Variants in PRKCZ observed in about 807,000 individuals in gnomAD.
PRKCZ encodes protein kinase C zeta.
PRKCZ carries 33 observed loss-of-function variants against 79.5 expected under a neutral mutation model. That is an observed-to-expected ratio of 0.41 (90% CI 0.31 to 0.55). The LOEUF is 0.55. Among genes scored for constraint, PRKCZ ranks in the 20% least tolerant of loss-of-function variants. The pLI, the probability that PRKCZ is intolerant of heterozygous loss-of-function variation, is 0.19. For missense variants in PRKCZ, 578 were observed against 813.5 expected (o/e 0.71, Z 3.52); for synonymous variants, 342 against 320.9 (o/e 1.07, Z -0.70).
chr1:2,083,353 A>G (rs1425024395), intron 4 of PRKCZ, among the ~76,000 whole-genome samples: 1 of 152,142 alleles, frequency 6.6e-6, no homozygotes, highest in Non-Finnish European at 1.5e-5. Context: ...CATGAAAATT[A>G]CTGTGGTCCT....
intron 5 of PRKCZ, among the ~76,000 whole-genome samples, chr1:2,139,123 G>C (rs1201141831): frequency 6.6e-6 from 1 of 152,168 alleles, no homozygotes; most frequent in Non-Finnish European, 1.5e-5. Context: ...ACTTAGAATT[G>C]AAGAGCTCCT....
At chr1:2,060,463 G>A (rs1660570957) in intron 4 of PRKCZ, among the ~76,000 whole-genome samples, 1 of 109,956 alleles carries the variant, frequency 9.1e-6, no homozygotes, top group Non-Finnish European at 2.1e-5. Context: ...AAGTGGGGCT[G>A]AATAGAGGTT....
intron 4 of PRKCZ, among the ~76,000 whole-genome samples, chr1:2,064,872 C>G (rs1209429683): frequency 6.6e-6 from 1 of 152,188 alleles, no homozygotes; most frequent in Non-Finnish European, 1.5e-5. Context: ...ACAGGCTTTT[C>G]TATTTCTGCA....
intron 16 of PRKCZ, among the ~76,000 whole-genome samples, chr1:2,183,045 G>A (rs1686933582): frequency 6.6e-6 from 1 of 152,138 alleles, no homozygotes; most frequent in African/African-American, 2.4e-5. Flanking sequence ...GGTCAACATG[G>A]TGAAACCCTG....
At chr1:2,055,608 T>C in intron 2 of PRKCZ, 46 bp downstream of exon 2, 1 of 1,587,774 alleles carries the variant, frequency 6.3e-7, no homozygotes, top group Non-Finnish European at 8.6e-7. Flanking sequence ...CTCAGGGGAC[T>C]TCGCCAGGGC....
rs769423874 is a variant in PRKCZ, at chr1:2,172,403, C to T, written c.1285+15C>T. 19 of 1,607,258 alleles carry T rather than the reference C, an allele frequency of 1.2e-5. No individual in the cohort carries two copies. The highest frequency in any genetic ancestry group is 1.5e-5 in the Non-Finnish European group (18 of 1,176,706). ...AGAGGAGTACGGTGAGTGCCGCTGCCCTGGCCCCTCTCGGAGCACACAGGG... is the reference window on the plus strand; with the variant it reads ...AGAGGAGTACGGTGAGTGCCGCTGCTCTGGCCCCTCTCGGAGCACACAGGG... On this transcript the variant is annotated intron_variant, in intron 13 of 17. Coordinates refer to ENST00000378567, the MANE Select transcript of PRKCZ (RefSeq NM_002744.6). This position sits in a 1 kb window ranked among gnomAD's most constrained non-coding sequence, Gnocchi z 7.8.
chr1:2,092,204 C>T (rs923370604), intron 4 of PRKCZ, among the ~76,000 whole-genome samples: 6 of 152,110 alleles, frequency 3.9e-5, no homozygotes, highest in South Asian at 2.1e-4. Context: ...TCACCCCCGC[C>T]GCCCTCCCCC....
At chr1:2,133,340 GT>G (rs2103008217) in intron 4 of PRKCZ, among the ~76,000 whole-genome samples, 1 of 149,124 alleles carries the variant, frequency 6.7e-6, no homozygotes, top group South Asian at 2.1e-4. Context: ...TCCGCCCCCA[GT>G]TGCTCGTCGG....
chr1:2,184,137 T>C (rs1283751107), intron 16 of PRKCZ: 1 of 153,634 alleles, frequency 6.5e-6, no homozygotes, highest in East Asian at 1.9e-4. Context: ...TAGGCAGAAA[T>C]GGGCCGGCAG....
At chr1:2,084,211 G>C (rs949331736) in intron 4 of PRKCZ, among the ~76,000 whole-genome samples, 4 of 152,210 alleles carry the variant, frequency 2.6e-5, no homozygotes, top group Non-Finnish European at 5.9e-5. Flanking sequence ...CTGCACTCCA[G>C]CCTGGGCGAG....
At chr1:2,119,627 T>A (rs1671449337) in intron 4 of PRKCZ, among the ~76,000 whole-genome samples, 1 of 152,224 alleles carries the variant, frequency 6.6e-6, no homozygotes, top group Admixed American at 6.5e-5. Flanking sequence ...AACCAAGTGT[T>A]GTCTTAGACA....
Position 2,149,456 on chromosome 1 carries a change from G to T in PRKCZ, c.687+532G>T, listed in dbSNP as rs1419776188. On this transcript the variant is annotated intron_variant, in intron 8 of 17. Transcript: ENST00000378567. This position sits in a 1 kb window ranked among gnomAD's most constrained non-coding sequence, Gnocchi z 4.1. Reference sequence around the variant, plus strand: ...CCTCTGCTCGTAAAACCCAGGGAAGGACTGCACTAGCGAAGCCCACTCCTT... The same window carrying T: ...CCTCTGCTCGTAAAACCCAGGGAAGTACTGCACTAGCGAAGCCCACTCCTT... Among the ~76,000 whole-genome samples, 2 of 152,304 alleles carry T rather than the reference G, an allele frequency of 1.3e-5. 1 individual carries two copies. Among genetic ancestry groups the T allele is most frequent in the Admixed American group, 1.3e-4 (2 of 15,294 alleles).
intron 4 of PRKCZ, among the ~76,000 whole-genome samples, chr1:2,069,707 C>T (rs185919510): frequency 2.2e-3 from 338 of 152,308 alleles, no homozygotes; most frequent in African/African-American, 7.5e-3. Flanking sequence ...CACCCTGGCT[C>T]CTCCGTGTTG....
At chr1:2,089,159 A>C (rs910254914) in intron 4 of PRKCZ, among the ~76,000 whole-genome samples, 2 of 152,184 alleles carry the variant, frequency 1.3e-5, no homozygotes, top group Non-Finnish European at 2.9e-5. Flanking sequence ...AGCCGGGGTC[A>C]GCTCTGGTTT....
At chr1:2,103,168 T>G (rs1188847331) in intron 4 of PRKCZ, among the ~76,000 whole-genome samples, 12 of 152,136 alleles carry the variant, frequency 7.9e-5, no homozygotes, top group East Asian at 3.9e-4. Context: ...GTGGGGTTTT[T>G]GGGGGGCAAG....
At chr1:2,097,702 AG>A (rs1666761601) in intron 4 of PRKCZ, among the ~76,000 whole-genome samples, 2 of 145,506 alleles carry the variant, frequency 1.4e-5, no homozygotes, top group Admixed American at 1.3e-4. Flanking sequence ...GGCCCGTGCC[AG>A]GGGGGCCCAG....
At chr1:2,070,876 A>G (rs1661515864) in intron 4 of PRKCZ, among the ~76,000 whole-genome samples, 1 of 151,958 alleles carries the variant, frequency 6.6e-6, no homozygotes, top group Admixed American at 6.5e-5. Flanking sequence ...GTAGTGTCTC[A>G]CTTGGAGCAA....
Position 2,056,515 on chromosome 1 carries a change from G to T in PRKCZ, c.225G>T (p.Glu75Asp). 6.2e-7 allele frequency: 1 copy of T among 1,614,010 alleles called. No homozygotes were observed. Among genetic ancestry groups the T allele is most frequent in the Non-Finnish European group, 8.5e-7 (1 of 1,179,976 alleles). ...CTTGCACGGTGTCCTCCCAGATGGA[G>T]CTGGAAGAGGCTTTCCGCCTGGCCC... ...GDPCTVSSQM[E>D]LEEAFRLARQ... Residue 75 changes from glutamate (E) to aspartate (D), a missense_variant, in exon 3 of 18, where the codon GAG (glutamate) becomes GAT (aspartate). Transcript: ENST00000378567.
At chr1:2,131,291 C>T (rs1330969705) in intron 4 of PRKCZ, among the ~76,000 whole-genome samples, 1 of 152,120 alleles carries the variant, frequency 6.6e-6, no homozygotes. Flanking sequence ...AGGCTCAGAG[C>T]TCTTTGTTCC....
Sources: gnomAD v4.1 joint callset for allele counts (sites outside exome capture counted in the v4.1 genomes callset) on GRCh38, gnomAD v4.1.1 for gene constraint, Gnocchi (gnomAD v3.1) non-coding constraint, MANE v1.5 for transcripts, NCBI Gene and HGNC (gene_info 2026-07-23, HGNC 2026-07-21) for gene names.